SUSD4: variants seen among roughly 807,000 people sequenced by gnomAD.
The protein encoded by SUSD4 is sushi domain containing 4, also known as sushi domain-containing protein 4.
SUSD4 carries 41 observed loss-of-function variants against 50.5 expected under a neutral mutation model. That is an observed-to-expected ratio of 0.81 (90% CI 0.63 to 1.05). The LOEUF (loss-of-function observed/expected upper bound fraction) is 1.05, where lower values mean the gene tolerates loss of function less well. SUSD4 is among the 50% of genes least tolerant of loss of function. SUSD4 has a pLI of 0.00. For missense variants in SUSD4, 580 were observed against 634.7 expected (o/e 0.91, Z 0.93); for synonymous variants, 257 against 257.3 (o/e 1.00, Z 0.01).
At chr1:223,282,773 C>A (rs998891793) in intron 3 of SUSD4, among the ~76,000 whole-genome samples, 8 of 152,208 alleles carry the variant, frequency 5.3e-5, no homozygotes, top group Non-Finnish European at 1.2e-4. Flanking sequence ...AAAGAGCCTG[C>A]ATTGCCAAGA....
In SUSD4 at chr1:223,268,643, T is replaced by C; in HGVS notation, c.394A>G (p.Ile132Val). 1 of 1,613,222 alleles carries C rather than the reference T, an allele frequency of 6.2e-7. No homozygotes were observed. The highest frequency in any genetic ancestry group is 8.5e-7 in the Non-Finnish European group (1 of 1,179,758). The stretch of plus-strand genomic sequence containing the variant: ...CCATGTCTATATGTCTTGTTATGAA[T>C]CTCAGCATCTTCGATTTGAGGGATA... ...CRIPQIEDAE[I>V]HNKTYRHGEK... The change falls in exon 4 of 9, where the codon ATT becomes GTT. Residue 132 changes from isoleucine (I) to valine (V), a missense_variant. Coordinates refer to ENST00000366878, the MANE Select transcript of SUSD4 (RefSeq NM_017982.4).
intron 7 of SUSD4, among the ~76,000 whole-genome samples, chr1:223,225,597 T>G (rs116611146): frequency 7.7e-4 from 118 of 152,260 alleles, no homozygotes; most frequent in African/African-American, 2.5e-3. Context: ...ACTGCTTCCT[T>G]GACAATGATG....
chr1:223,363,651 C>A (rs1669140626), intron 1 of SUSD4, 191 bp from the exon 2 acceptor site: 2 of 580,426 alleles, frequency 3.4e-6, no homozygotes, highest in South Asian at 6.1e-5. Context: ...CACTGAGTAA[C>A]AGCCGCCGTG....
intron 5 of SUSD4, among the ~76,000 whole-genome samples, chr1:223,241,255 A>G (rs1224496124): frequency 6.6e-6 from 1 of 152,166 alleles, no homozygotes; most frequent in African/African-American, 2.4e-5. Flanking sequence ...GGGGATTTTT[A>G]TGTGAGAAAA....
At chr1:223,343,775 A>G (rs1667886855) in intron 2 of SUSD4, among the ~76,000 whole-genome samples, 1 of 152,194 alleles carries the variant, frequency 6.6e-6, no homozygotes, top group Admixed American at 6.5e-5. Flanking sequence ...AAAAGCTTAA[A>G]CCTAGCTATG....
At chr1:223,276,730 G>A (rs563881769) in intron 3 of SUSD4, among the ~76,000 whole-genome samples, 1 of 152,290 alleles carries the variant, frequency 6.6e-6, no homozygotes, top group African/African-American at 2.4e-5. Flanking sequence ...CAGTGGTCCT[G>A]GGGACAGGTA....
At chr1:223,223,773 A>G in intron 7 of SUSD4, 142 bp from the exon 8 acceptor site, 1 of 1,082,944 alleles carries the variant, frequency 9.2e-7, no homozygotes, top group Non-Finnish European at 1.3e-6. Context: ...TGGAAGAACC[A>G]GCCTCCTTTC....
At chr1:223,335,673 C>T (rs1667415059) in intron 2 of SUSD4, among the ~76,000 whole-genome samples, 1 of 152,116 alleles carries the variant, frequency 6.6e-6, no homozygotes, top group South Asian at 2.1e-4. Context: ...AGATGTGCTC[C>T]ATTGATTTAG....
At chr1:223,277,546 G>A (rs1169358062) in intron 3 of SUSD4, among the ~76,000 whole-genome samples, 1 of 151,988 alleles carries the variant, frequency 6.6e-6, no homozygotes, top group African/African-American at 2.4e-5. Flanking sequence ...GGCATAGGTT[G>A]AAATACCTAT....
intron 5 of SUSD4, among the ~76,000 whole-genome samples, chr1:223,248,812 T>C (rs1232751247): frequency 1.3e-5 from 2 of 151,678 alleles, no homozygotes; most frequent in Non-Finnish European, 2.9e-5. Context: ...CCTGAAGGAA[T>C]ACAAAATGCA....
chr1:223,278,822 G>A (rs1234602682), intron 3 of SUSD4, among the ~76,000 whole-genome samples: 1 of 152,204 alleles, frequency 6.6e-6, no homozygotes, highest in Non-Finnish European at 1.5e-5. Flanking sequence ...CCCCCGAGTA[G>A]GGGCAGACTG....
intron 2 of SUSD4, among the ~76,000 whole-genome samples, chr1:223,355,815 T>C (rs540399519): frequency 1.3e-5 from 2 of 152,290 alleles, no homozygotes; most frequent in Middle Eastern, 6.8e-3. Flanking sequence ...CTCAATGGAT[T>C]GGGATGATAA....
At chr1:223,314,231 C>T (rs568485072) in intron 2 of SUSD4, among the ~76,000 whole-genome samples, 1 of 152,274 alleles carries the variant, frequency 6.6e-6, no homozygotes, top group South Asian at 2.1e-4. Context: ...TCTCCCCAAA[C>T]TCACTCTGGC....
chr1:223,281,459 A>C (rs942599604), intron 3 of SUSD4, among the ~76,000 whole-genome samples: 3 of 152,026 alleles, frequency 2.0e-5, no homozygotes, highest in African/African-American at 7.2e-5. Context: ...ACTATAAACA[A>C]CTCTACGCAA....
intron 5 of SUSD4, among the ~76,000 whole-genome samples, chr1:223,238,771 G>T (rs925586020): frequency 2.0e-5 from 3 of 151,874 alleles, no homozygotes; most frequent in African/African-American, 7.2e-5. Context: ...GACTATTTTG[G>T]TGAGTGTTCC....
chr1:223,291,739 G>A (rs1464865018), intron 3 of SUSD4, among the ~76,000 whole-genome samples: 1 of 152,086 alleles, frequency 6.6e-6, no homozygotes, highest in Non-Finnish European at 1.5e-5. Flanking sequence ...CAGCCCTGCT[G>A]GTCTTCTGAG....
Position 223,231,677 on chromosome 1 carries a change from T to A in SUSD4, c.725-2289A>T, listed in dbSNP as rs1659906964. ...GGCACTGGCCACGTTGTTGAACTGG[T>A]CCTGGGAGATCCAGGGATGTGGCCG... On this transcript the variant is annotated intron_variant, in intron 5 of 8. Transcript: ENST00000366878. This position sits in a 1 kb window ranked among gnomAD's most constrained non-coding sequence, Gnocchi z 4.2. 6.6e-6 allele frequency among the ~76,000 whole-genome samples: 1 copy of A among 152,206 alleles called. No homozygotes were observed. The highest frequency in any genetic ancestry group is 1.5e-5 in the Non-Finnish European group (1 of 68,032).
chr1:223,349,307 C>A (rs1343074340), intron 2 of SUSD4, among the ~76,000 whole-genome samples: 2 of 152,200 alleles, frequency 1.3e-5, no homozygotes, highest in Non-Finnish European at 2.9e-5. Flanking sequence ...TAACTCATCA[C>A]TTCTCCGCAG....
At chr1:223,248,795 G>A (rs1661108917) in intron 5 of SUSD4, among the ~76,000 whole-genome samples, 1 of 152,092 alleles carries the variant, frequency 6.6e-6, no homozygotes, top group South Asian at 2.1e-4. Context: ...CACTACGTTA[G>A]GATGTCCCTG....
Sources: allele counts gnomAD v4.1 joint callset (sites outside exome capture counted in the v4.1 genomes callset), GRCh38; gene constraint gnomAD v4.1.1; non-coding constraint Gnocchi (gnomAD v3.1); transcripts MANE v1.5; gene names NCBI Gene and HGNC (gene_info 2026-07-23, HGNC 2026-07-21).